FHOD3: variants seen among roughly 807,000 people sequenced by gnomAD.
The protein encoded by FHOD3 is formin homology 2 domain containing 3.
FHOD3 carries 90 observed loss-of-function variants against 173.0 expected under a neutral mutation model. That is an observed-to-expected ratio of 0.52 (90% CI 0.44 to 0.62). The LOEUF (loss-of-function observed/expected upper bound fraction) is 0.62. Ranked by LOEUF, FHOD3 falls within the 20% of genes least tolerant of loss-of-function variation. The pLI, the probability that FHOD3 is intolerant of heterozygous loss-of-function variation, is 0.00. For synonymous variants in FHOD3, 828 were observed against 823.0 expected, an observed-to-expected ratio of 1.01 and a Z score of -0.10; for missense variants, 1,945 against 2,034.7, an observed-to-expected ratio of 0.96 and a Z score of 0.85.
At chr18:36,725,685 C>T (rs934444510) in intron 19 of FHOD3, among the ~76,000 whole-genome samples, 3 of 152,186 alleles carry the variant, frequency 2.0e-5, no homozygotes, top group Non-Finnish European at 4.4e-5. Flanking sequence ...GGCCTTTTCC[C>T]TTCCTGAGAA....
At chr18:36,347,005 C>T (rs563129413) in intron 1 of FHOD3, among the ~76,000 whole-genome samples, 3 of 152,326 alleles carry the variant, frequency 2.0e-5, no homozygotes, top group Admixed American at 6.5e-5. Flanking sequence ...TCCTGAACTG[C>T]CACCAGCTGT....
At position 36,762,807 on chromosome 18, in the gene FHOD3, A is replaced by G. The variant is rs139261778; in HGVS notation, c.4624+2025A>G. ...CAAGACTCTGTCTCAAAATATATAT[A>G]TATATGTATTATATATTTTATATAT... On this transcript the variant is annotated intron_variant, in intron 27 of 28. Coordinates refer to ENST00000590592, the MANE Select transcript of FHOD3 (RefSeq NM_001281740.3). Among the ~76,000 whole-genome samples, 875 of 148,082 alleles carry G rather than the reference A, an allele frequency of 5.9e-3. 6 individuals carry two copies. The highest frequency in any genetic ancestry group is 8.6e-3 in the Non-Finnish European group (580 of 67,268).
intron 6 of FHOD3, among the ~76,000 whole-genome samples, chr18:36,588,617 T>G (rs938140628): frequency 2.6e-5 from 4 of 152,232 alleles, no homozygotes; most frequent in African/African-American, 9.6e-5. Flanking sequence ...AATTTGAAGA[T>G]TTTTTGGAAT....
chr18:36,482,046 T>TA (rs1017576763), intron 3 of FHOD3, among the ~76,000 whole-genome samples: 33 of 151,448 alleles, frequency 2.2e-4, no homozygotes, highest in Middle Eastern at 3.4e-3. Flanking sequence ...TCTCAAATTA[T>TA]AAAAAAAAGA....
At chr18:36,312,486 C>T (rs914505991) in intron 1 of FHOD3, among the ~76,000 whole-genome samples, 5 of 152,110 alleles carry the variant, frequency 3.3e-5, no homozygotes, top group African/African-American at 9.7e-5. Flanking sequence ...GAACCTGCCC[C>T]GCATCTAGAT....
In FHOD3 at chr18:36,628,062, G is replaced by A. The variant is rs75500554; in HGVS notation, c.1196+2313G>A. ...AGTCACCCAAGTGATGCCAACTTTT[G>A]TAAAGAAGGGAGAAATATGTTTTAG... On this transcript the variant is annotated intron_variant, in intron 10 of 28. Transcript: ENST00000590592. Among the ~76,000 whole-genome samples, 1,517 of 152,250 alleles carry A rather than the reference G, an allele frequency of 1.0e-2. 48 individuals are homozygous for A. The highest frequency in any genetic ancestry group is 0.062 in the Admixed American group (951 of 15,296).
chr18:36,760,166 C>T (rs933128522), intron 26 of FHOD3, among the ~76,000 whole-genome samples: 2 of 152,128 alleles, frequency 1.3e-5, no homozygotes, highest in Non-Finnish European at 2.9e-5. Context: ...GTAAGTGATA[C>T]TTAAGAAAAA....
At chr18:36,316,654 A>C (rs1296305595) in intron 1 of FHOD3, among the ~76,000 whole-genome samples, 3 of 152,190 alleles carry the variant, frequency 2.0e-5, no homozygotes, top group Non-Finnish European at 4.4e-5. Context: ...CCGATAAGGC[A>C]AACTGTAAGA....
At chr18:36,538,753 G>T (rs1375316961) in intron 5 of FHOD3, among the ~76,000 whole-genome samples, 4 of 152,230 alleles carry the variant, frequency 2.6e-5, no homozygotes, top group Admixed American at 1.3e-4. Flanking sequence ...GTTGACAGGG[G>T]TTAGTGATGG....
intron 24 of FHOD3, among the ~76,000 whole-genome samples, chr18:36,751,761 C>T (rs186333612): frequency 2.0e-5 from 3 of 152,218 alleles, no homozygotes; most frequent in East Asian, 3.9e-4. Flanking sequence ...AATTCTTAAA[C>T]GTGCATATTA....
intron 4 of FHOD3, among the ~76,000 whole-genome samples, chr18:36,511,586 G>A (rs2055653622): frequency 1.3e-5 from 2 of 152,080 alleles, no homozygotes; most frequent in Non-Finnish European, 2.9e-5. Context: ...TAATGTGAAG[G>A]AGTCTGGGGT....
At chr18:36,595,584 G>C (rs1462077669) in intron 7 of FHOD3, among the ~76,000 whole-genome samples, 2 of 152,120 alleles carry the variant, frequency 1.3e-5, no homozygotes. Flanking sequence ...GCCCATCCCT[G>C]TCTCTCCAAG....
intron 14 of FHOD3, 118 bp from the exon 15 acceptor site, chr18:36,681,318 C>G (rs191449781): frequency 5.6e-6 from 7 of 1,246,638 alleles, no homozygotes; most frequent in African/African-American, 1.5e-5. Flanking sequence ...GTGATTTTCC[C>G]CAAGCATTGC....
chr18:36,503,311 C>T (rs1296371615), intron 4 of FHOD3, among the ~76,000 whole-genome samples: 2 of 152,172 alleles, frequency 1.3e-5, no homozygotes. Flanking sequence ...TTCTAGTTTA[C>T]ATTCTACTTC....
chr18:36,381,649 T>A lies in FHOD3; in HGVS notation c.337+8905T>A, dbSNP rs573005101. Among the ~76,000 whole-genome samples the A allele has an allele frequency of 1.3e-4, 20 of 152,268 alleles. No homozygotes were observed. The East Asian group carries it at 1.3e-3, about 10-fold the overall frequency. On this transcript the variant is annotated intron_variant, in intron 3 of 28. Coordinates refer to ENST00000590592, the MANE Select transcript of FHOD3 (RefSeq NM_001281740.3). ...GCTCTTGAGCACGTGAAGGTGTAGA[T>A]CCTATTGTGCCAGATGCAGTATACT...
chr18:36,705,375 C>T (rs1185200327), intron 17 of FHOD3, among the ~76,000 whole-genome samples: 1 of 152,200 alleles, frequency 6.6e-6, no homozygotes, highest in Non-Finnish European at 1.5e-5. Flanking sequence ...CATTTTTACC[C>T]CTTGAGACTC....
intron 10 of FHOD3, among the ~76,000 whole-genome samples, chr18:36,636,895 T>G (rs1172416584): frequency 6.6e-6 from 1 of 152,082 alleles, no homozygotes. Flanking sequence ...CAGAAGCTAT[T>G]TTTTCTTTTC....
At chr18:36,330,192 G>GT (rs1457894034) in intron 1 of FHOD3, among the ~76,000 whole-genome samples, 1 of 152,112 alleles carries the variant, frequency 6.6e-6, no homozygotes, top group African/African-American at 2.4e-5. Flanking sequence ...AAAGTCACAG[G>GT]TTTTCTCCTC....
chr18:36,775,026 C>T (rs375503578), intron 28 of FHOD3, among the ~76,000 whole-genome samples: 205 of 152,220 alleles, frequency 1.3e-3, no homozygotes, highest in African/African-American at 4.6e-3. Flanking sequence ...CTGGCCCTGC[C>T]GTTTTACGTC....
Sources: allele counts gnomAD v4.1 joint callset (sites outside exome capture counted in the v4.1 genomes callset), GRCh38; gene constraint gnomAD v4.1.1; transcripts MANE v1.5; gene names NCBI Gene and HGNC (gene_info 2026-07-23, HGNC 2026-07-21).